Variants in CPLANE1 observed in about 807,000 individuals in gnomAD.
The protein encoded by CPLANE1 is ciliogenesis and planar polarity effector 1.
Under a neutral mutation model 362.5 loss-of-function variants are expected in CPLANE1, and 263 were observed. That is an observed-to-expected ratio of 0.73 (90% CI 0.66 to 0.80). The LOEUF is 0.80. CPLANE1 is among the 30% of genes least tolerant of loss of function. CPLANE1 has a pLI of 0.00. For synonymous variants in CPLANE1, 1,212 were observed against 1,302.6 expected, an observed-to-expected ratio of 0.93 and a Z score of 1.50; for missense variants, 3,461 against 3,793.4, an observed-to-expected ratio of 0.91 and a Z score of 2.30.
In CPLANE1 at chr5:37,209,735, C is replaced by T; in HGVS notation, c.2921-3310G>A. ...AAATCAACCCTACTTCCAGTCTGTA[C>T]AAATCACTGGTTTCAGGAGCTGATA... On this transcript the variant is annotated intron_variant, in intron 16 of 52. Coordinates refer to ENST00000651892, the MANE Select transcript of CPLANE1 (RefSeq NM_001384732.1). This position sits in a 1 kb window ranked among gnomAD's most constrained non-coding sequence, Gnocchi z 4.6. 4.9e-6 allele frequency: 6 copies of T among 1,212,868 alleles called. No individual in the cohort carries two copies. The highest frequency in any genetic ancestry group is 2.7e-4 in the Middle Eastern group (1 of 3,678). 75.1% of individuals were successfully genotyped at this position (1,212,868 alleles called of 1,614,324 possible). A position where few individuals can be genotyped will look rare whatever the true frequency, so the allele number is the denominator to read the frequency against.
chr5:37,163,536 C>G (rs751017870), intron 37 of CPLANE1, among the ~76,000 whole-genome samples: 2 of 151,976 alleles, frequency 1.3e-5, no homozygotes, highest in Non-Finnish European at 2.9e-5. Context: ...GGGAGATCTC[C>G]CAGGAAGACT....
rs973717154 is a variant in CPLANE1 at position 37,107,094 on chromosome 5, G to A, written c.*508C>T. ...TTTGCTTATTTAGAGATTCAGGGTT[G>A]GTAAAAGGTAGTTGGTTTTTCTTTT... On this transcript the variant is annotated 3_prime_UTR_variant, in exon 53 of 53. Coordinates refer to ENST00000651892, the MANE Select transcript of CPLANE1 (RefSeq NM_001384732.1). The A allele has an allele frequency of 3.0e-6, 3 of 985,298 alleles. No homozygotes were observed. The African/African-American group carries it at 5.2e-5, about 17-fold the overall frequency. The allele number at this position is 985,298 out of a possible 1,614,324, so 61.0% of individuals were successfully genotyped here. A position where few individuals can be genotyped will look rare whatever the true frequency, so the allele number is the denominator to read the frequency against.
intron 16 of CPLANE1, 69 bp downstream of exon 16, chr5:37,213,487 TATA>T (rs1793206280): frequency 4.6e-6 from 5 of 1,086,914 alleles, no homozygotes; most frequent in Non-Finnish European, 6.4e-6. Context: ...ATGGCCTCTG[TATA>T]ATATGTTTTA....
At chr5:37,146,019 C>CA (rs1771464492) in intron 43 of CPLANE1, among the ~76,000 whole-genome samples, 1 of 152,152 alleles carries the variant, frequency 6.6e-6, no homozygotes, top group Non-Finnish European at 1.5e-5. Flanking sequence ...TAGCAAAACT[C>CA]AGACTCTGAA....
rs2150516535 is a variant in CPLANE1 at position 37,230,852 on chromosome 5, A to G, written c.1121+15T>C. 1 of 1,416,360 alleles carries G rather than the reference A, an allele frequency of 7.1e-7. No homozygotes were observed. The highest frequency in any genetic ancestry group is 2.7e-5 in the East Asian group (1 of 37,006). The allele number at this position is 1,416,360 out of a possible 1,614,324, so 87.7% of individuals were successfully genotyped here. A position where few individuals can be genotyped will look rare whatever the true frequency, so the allele number is the denominator to read the frequency against. On this transcript the variant is annotated intron_variant, in intron 9 of 52. Transcript: ENST00000651892. ...AAAAATCTATAAACAAATTAACACA[A>G]TTCAAATGTCTCACCTATACGTTAT...
At chr5:37,166,997 G>T in intron 35 of CPLANE1, 50 bp downstream of exon 35, 1 of 1,375,802 alleles carries the variant, frequency 7.3e-7, no homozygotes, top group South Asian at 1.2e-5. Flanking sequence ...AAATAATAAT[G>T]AACTTGCTGA....
chr5:37,199,243 T>C (rs1234172897), intron 19 of CPLANE1, among the ~76,000 whole-genome samples: 1 of 152,114 alleles, frequency 6.6e-6, no homozygotes, highest in African/African-American at 2.4e-5. Flanking sequence ...AGAAATGTTA[T>C]CTCCCCTCAA....
chr5:37,136,374 T>C (rs538198166), intron 46 of CPLANE1, among the ~76,000 whole-genome samples: 2 of 152,320 alleles, frequency 1.3e-5, no homozygotes, highest in South Asian at 2.1e-4. Flanking sequence ...ATGCAAGAGG[T>C]GGGTTCCCAT....
intron 43 of CPLANE1, 39 bp downstream of exon 43, chr5:37,148,142 A>G (rs1346995448): frequency 6.7e-7 from 1 of 1,489,216 alleles, no homozygotes; most frequent in Admixed American, 1.7e-5. Context: ...AGATCAACTA[A>G]AGCAAGACTT....
At chr5:37,173,262 G>A (rs1341643311) in intron 32 of CPLANE1, among the ~76,000 whole-genome samples, 3 of 152,146 alleles carry the variant, frequency 2.0e-5, no homozygotes, top group Admixed American at 6.6e-5. Flanking sequence ...AAGAAATATG[G>A]ATAAGAAATA....
intron 44 of CPLANE1, chr5:37,139,750 A>G: frequency 1.8e-6 from 1 of 558,458 alleles, no homozygotes; most frequent in Non-Finnish European, 2.3e-6. Flanking sequence ...GGGTCTTGCT[A>G]TGTTGCCCAG....
chr5:37,131,612 C>G (rs1420993461), intron 46 of CPLANE1, among the ~76,000 whole-genome samples: 3 of 151,704 alleles, frequency 2.0e-5, no homozygotes, highest in African/African-American at 7.3e-5. Context: ...CTCACTGCAA[C>G]CTCCACCTCC....
chr5:37,225,577 C>A (rs1796281495), intron 12 of CPLANE1, among the ~76,000 whole-genome samples: 1 of 151,986 alleles, frequency 6.6e-6, no homozygotes, highest in Non-Finnish European at 1.5e-5. Context: ...TTTGGCCGGG[C>A]GTGGTGGCTC....
chr5:37,104,756 C>A (rs12655320), downstream of CPLANE1, among the ~76,000 whole-genome samples: 26,688 of 149,990 alleles, frequency 0.18, 2,743 homozygotes, highest in East Asian at 0.35. Context: ...AAAAAAAAAA[C>A]ACACACACAC....
chr5:37,128,752 G>A (rs1764936756), intron 46 of CPLANE1, among the ~76,000 whole-genome samples: 2 of 151,920 alleles, frequency 1.3e-5, no homozygotes, highest in African/African-American at 2.4e-5. Flanking sequence ...CCAGCTACTA[G>A]GGAGGCTGAG....
chr5:37,239,674 T>A, intron 7 of CPLANE1, 39 bp downstream of exon 7: 3 of 1,319,628 alleles, frequency 2.3e-6, no homozygotes, highest in Non-Finnish European at 3.0e-6. Flanking sequence ...ATAAACTCCT[T>A]CTTTTATAGA....
chr5:37,085,361 T>C, the CPLANE1 span: 1 of 1,347,904 alleles, frequency 7.4e-7, no homozygotes, highest in Admixed American at 1.7e-5. Flanking sequence ...ATCTGATCTA[T>C]GACACCAAGG....
downstream of CPLANE1, among the ~76,000 whole-genome samples, chr5:37,104,253 A>T (rs1188266266): frequency 1.3e-5 from 2 of 152,166 alleles, no homozygotes; most frequent in Admixed American, 6.5e-5. Flanking sequence ...TATTCTGGCT[A>T]TCAGCTCCTG....
chr5:37,183,040 G>A lies in CPLANE1; in HGVS notation c.5141C>T (p.Thr1714Ile), dbSNP rs1424442518. The A allele has an allele frequency of 3.7e-6, 6 of 1,613,274 alleles. No individual in the cohort carries two copies. The African/African-American group carries it at 4.0e-5, about 11-fold the overall frequency. ...HIFWTPKSIKTRRCIFKAIQC... is the reference protein window; with the variant it reads ...HIFWTPKSIKIRRCIFKAIQC... ...AATAGCTTTGAAAATACATCTTCTAGTTTTAATGGACTTGGGAGTCCAAAA... is the reference window on the plus strand; with the variant it reads ...AATAGCTTTGAAAATACATCTTCTAATTTTAATGGACTTGGGAGTCCAAAA... Residue 1714 changes from threonine (T) to isoleucine (I), a missense_variant, in exon 26 of 53, where the codon ACT becomes ATT. This residue lies in a region of CPLANE1 where 3,380 missense variants were observed against 3,666.1 expected (regional missense o/e 0.92). Transcript: ENST00000651892.
Sources: gnomAD v4.1 joint callset for allele counts (sites outside exome capture counted in the v4.1 genomes callset) on GRCh38, gnomAD v4.1.1 for gene constraint, gnomAD v4.1.1 regional missense constraint, Gnocchi (gnomAD v3.1) non-coding constraint, MANE v1.5 for transcripts, NCBI Gene and HGNC (gene_info 2026-07-23, HGNC 2026-07-21) for gene names.